Variants in OBSL1 observed in about 807,000 individuals in gnomAD.
The protein encoded by OBSL1 is obscurin like cytoskeletal adaptor 1.
A neutral mutation model predicts 172.0 loss-of-function variants in OBSL1; 160 were observed. The ratio of observed to expected loss-of-function variants is 0.93; its 90% CI spans 0.82 to 1.06. The LOEUF (loss-of-function observed/expected upper bound fraction) is 1.06, where lower values mean the gene tolerates loss of function less well. Among genes scored for constraint, OBSL1 ranks in the 50% least tolerant of loss-of-function variants. The pLI, the probability that OBSL1 is intolerant of heterozygous loss-of-function variation, is 0.00. For missense variants in OBSL1, 2,681 were observed against 2,715.4 expected (o/e 0.99, Z 0.28); for synonymous variants, 1,200 against 1,196.3 (o/e 1.00, Z -0.06).
rs1315549160 is a variant in OBSL1, at chr2:219,568,806, G to A, written c.1013-482C>T. On this transcript the variant is annotated intron_variant, in intron 1 of 20. Coordinates refer to ENST00000404537, the MANE Select transcript of OBSL1 (RefSeq NM_015311.3). The surrounding 1 kb of genome is among the most constrained non-coding windows in gnomAD (Gnocchi z 4.1). ...GTTGCCCAGGCTGGAGTGCAGTCGC[G>A]CAATCTCGGCTCACTGCAACCTCCA... 1.3e-5 allele frequency among the ~76,000 whole-genome samples: 2 copies of A among 151,528 alleles called. No homozygotes were observed. Among genetic ancestry groups the A allele is most frequent in the Non-Finnish European group, 2.9e-5 (2 of 67,892 alleles).
chr2:219,564,446 A>T (rs530303298), intron 6 of OBSL1, among the ~76,000 whole-genome samples: 36 of 152,322 alleles, frequency 2.4e-4, no homozygotes, highest in Non-Finnish European at 4.6e-4. Flanking sequence ...TGTGAACTGG[A>T]GATATATTGC....
At position 219,554,597 on chromosome 2, in the gene OBSL1, A is replaced by T; in HGVS notation, c.4753T>A (p.Cys1585Ser). The stretch of plus-strand genomic sequence containing the variant: ...CGGTGGCCGTCCGAGTGGATGTGAC[A>T]CTTGGGTCCTGGATACAGCTGTACT... Reference protein sequence around the residue: ...GGVQLYPGPKCHIHSDGHRHR... With the variant: ...GGVQLYPGPKSHIHSDGHRHR... The change falls in exon 15 of 21, where the codon TGT becomes AGT. Residue 1585 changes from cysteine (C) to serine (S), a missense_variant. Around this residue, in one of 5 missense-constraint regions of OBSL1, gnomAD observed 1,765 missense variants for 1,748.3 expected, o/e 1.01. Transcript: ENST00000404537. The T allele has an allele frequency of 6.2e-7, 1 of 1,613,230 alleles. No individual in the cohort carries two copies. Among genetic ancestry groups the T allele is most frequent in the African/African-American group, 1.3e-5 (1 of 75,024 alleles).
rs2106084142 is a variant in OBSL1, at chr2:219,565,344, G to A, written c.2305C>T (p.Arg769Cys). ...SELLVVKMDG[R>C]KHRLILPEAK... ...TCAGGCAGGATCAGACGGTGTTTGC[G>A]CCCATCCATCTTCACCACCAGCAAC... Residue 769 changes from arginine to cysteine, a missense_variant, in exon 6 of 21, where the codon CGC becomes TGC. Coordinates refer to ENST00000404537, the MANE Select transcript of OBSL1 (RefSeq NM_015311.3). 2.5e-6 allele frequency: 4 copies of A among 1,613,942 alleles called. No homozygotes were observed. Among genetic ancestry groups the A allele is most frequent in the East Asian group, 2.2e-5 (1 of 44,880 alleles).
chr2:219,556,021 C>G lies in OBSL1; in HGVS notation c.4608G>C (p.Arg1536Ser). 6.2e-7 allele frequency: 1 copy of G among 1,613,318 alleles called. No homozygotes were observed. Among genetic ancestry groups the G allele is most frequent in the Non-Finnish European group, 8.5e-7 (1 of 1,179,810 alleles). The change falls in exon 14 of 21, where the codon AGG becomes AGC. Residue 1536 changes from arginine to serine, a missense_variant and splice_region_variant. Physicochemically the swap from Arg to Ser is moderately radical, Grantham distance 110 (BLOSUM62 -1). This residue lies in a region of OBSL1 where 1,765 missense variants were observed against 1,748.3 expected (regional missense o/e 1.01). Coordinates refer to ENST00000404537, the MANE Select transcript of OBSL1 (RefSeq NM_015311.3). ...HDRTLARLSV[R>S]PRQLRVLRPL... ...ATTAAGAGAGGACGGGGCACTCACG[C>G]CTCACGCTGAGCCTGGCCAGGGTGC...
intron 19 of OBSL1, 63 bp downstream of exon 19, chr2:219,552,049 G>A (rs566776370): frequency 2.7e-6 from 4 of 1,470,812 alleles, no homozygotes; most frequent in South Asian, 2.4e-5. Context: ...CCCCAAGTCC[G>A]TCAGTCCCAT....
intron 8 of OBSL1, chr2:219,561,709 C>A (rs1696483016): frequency 1.6e-6 from 1 of 616,604 alleles, no homozygotes; most frequent in Non-Finnish European, 2.9e-6. Flanking sequence ...GTACTTATCA[C>A]CAGGTGTCAC....
chr2:219,554,669 G>T lies in OBSL1; in HGVS notation c.4681C>A (p.Leu1561Met). 1.2e-6 allele frequency: 2 copies of T among 1,600,604 alleles called. No individual in the cohort carries two copies. The highest frequency in any genetic ancestry group is 1.3e-5 in the African/African-American group (1 of 74,754). The stretch of plus-strand genomic sequence containing the variant: ...GTCACACCTTCCTGGGACAGCTCCA[G>T]CTGGAAGGTGGCACTGCCCCCCTCA... ...ISEGGSATFQLELSQEGVTGE... is the reference protein window; with the variant it reads ...ISEGGSATFQMELSQEGVTGE... Residue 1561 changes from leucine (L) to methionine (M), a missense_variant, in exon 15 of 21, where the codon CTG (leucine) becomes ATG (methionine). This residue lies in a region of OBSL1 where 1,765 missense variants were observed against 1,748.3 expected (regional missense o/e 1.01). Transcript: ENST00000404537.
intron 19 of OBSL1, 141 bp from the exon 20 acceptor site, chr2:219,551,939 A>G (rs1695641200): frequency 5.7e-6 from 5 of 880,554 alleles, no homozygotes; most frequent in South Asian, 3.3e-5. Context: ...CCTCAGACCC[A>G]AAGTCTCCTC....
intron 20 of OBSL1, chr2:219,551,219 G>A (rs113220628): frequency 1.7e-5 from 24 of 1,389,200 alleles, no homozygotes; most frequent in African/African-American, 1.3e-4. Context: ...GGGGAGGAAA[G>A]GAACTGGTAG....
chr2:219,571,233 C>G lies in OBSL1; in HGVS notation c.-1G>C. ...CCTGATCCCCCGAGCTCGCCTTCAT[C>G]GCGGCGGCCGACCGCCTGCAGCGGC... On this transcript the variant is annotated 5_prime_UTR_variant, in exon 1 of 21. Transcript: ENST00000404537. 8.0e-7 allele frequency: 1 copy of G among 1,255,566 alleles called. No individual in the cohort carries two copies. The highest frequency in any genetic ancestry group is 1.0e-6 in the Non-Finnish European group (1 of 988,314). 77.8% of individuals were successfully genotyped at this position (1,255,566 alleles called of 1,614,324 possible).
chr2:219,550,566 T>C, downstream of OBSL1: 1 of 519,200 alleles, frequency 1.9e-6, no homozygotes, highest in Non-Finnish European at 3.5e-6. Context: ...CTTTTATAAA[T>C]GTGCCAAACT....
chr2:219,549,513 C>T (rs568674250), downstream of OBSL1, among the ~76,000 whole-genome samples: 2 of 152,190 alleles, frequency 1.3e-5, no homozygotes, highest in East Asian at 1.9e-4. Flanking sequence ...AGGGGCTTGG[C>T]GGGTCCAGCT....
Position 219,567,455 on chromosome 2 carries a change from C to T in OBSL1, c.1655G>A (p.Arg552Gln), listed in dbSNP as rs774886081. The T allele has an allele frequency of 9.3e-6, 15 of 1,613,500 alleles. No homozygotes were observed. Among genetic ancestry groups the T allele is most frequent in the East Asian group, 4.5e-5 (2 of 44,880 alleles). ...EPAPETPFIY[R>Q]LERQEVGSED... is the part of the protein sequence containing the mutation. ...AGAGCCCACTTCCTGCCGCTCCAGC[C>T]GGTAGATGAATGGGGTCTCGGGAGC... is the stretch of plus-strand genomic sequence containing the variant. Residue 552 changes from arginine (R) to glutamine (Q), a missense_variant, in exon 4 of 21, where the codon CGG becomes CAG. Arg to Gln is a conservative substitution (Grantham distance 43). Around this residue, in one of 5 missense-constraint regions of OBSL1, gnomAD observed 706 missense variants for 695.8 expected, o/e 1.01. Transcript: ENST00000404537.
At chr2:219,551,345 A>G (rs1695597129) in intron 20 of OBSL1, 184 bp downstream of exon 20, 1 of 1,409,430 alleles carries the variant, frequency 7.1e-7, no homozygotes, top group African/African-American at 1.4e-5. Context: ...GATCTGAGCC[A>G]AGCAGTTCCA....
rs758886305 is a variant in OBSL1, at chr2:219,556,156, G to A, written c.4473C>T (p.Pro1491=). The part of the protein sequence containing the change: ...VRWVRGGQPL[P]HDSRLSMAQD... ...GGGCCATGGACAGGCGAGAGTCGTG[G>A]GGCAGGGGCTGCCCACCTCGCACCC... Residue 1491 remains proline, a synonymous_variant, in exon 14 of 21, where the codon CCC becomes CCT. Transcript: ENST00000404537. 1.2e-6 allele frequency: 2 copies of A among 1,613,572 alleles called. No homozygotes were observed. Among genetic ancestry groups the A allele is most frequent in the South Asian group, 1.1e-5 (1 of 91,068 alleles).
rs1039614532 is a variant in OBSL1 at position 219,556,521 on chromosome 2, C to T, written c.4269G>A (p.Leu1423=). ...GCAAAGTCACGGTCCCTGCATCCCC[C>T]AGTTGGCAGCCTCGCAAGGTTAAGA... ...SRILTLRGCQ[L]GDAGTVTLRA... The change falls in exon 13 of 21, where the codon CTG becomes CTA. Residue 1423 remains leucine (L), a synonymous_variant. Coordinates refer to ENST00000404537, the MANE Select transcript of OBSL1 (RefSeq NM_015311.3). 3.7e-6 allele frequency: 6 copies of T among 1,613,996 alleles called. No individual in the cohort carries two copies. Among genetic ancestry groups the T allele is most frequent in the Non-Finnish European group, 5.1e-6 (6 of 1,179,898 alleles).
At chr2:219,555,614 G>C in intron 14 of OBSL1, 1 of 1,018,992 alleles carries the variant, frequency 9.8e-7, no homozygotes, top group African/African-American at 1.7e-5. Context: ...GGCTCAAAGA[G>C]GTTAACTTGC....
chr2:219,551,762 TCG>T lies in OBSL1; in HGVS notation c.5448_5449del (p.Lys1818AspfsTer35). On this transcript the variant is annotated frameshift_variant, in exon 20 of 21. Coordinates refer to ENST00000404537, the MANE Select transcript of OBSL1 (RefSeq NM_015311.3). LOFTEE classifies it high-confidence loss of function. ...CCGGCGGCCCACCAGAACGGTCTTCTCGCGAGGGGGGTGGCGGCACATCTGGA... is the reference window on the plus strand; with the variant it reads ...CCGGCGGCCCACCAGAACGGTCTTCTCGAGGGGGGTGGCGGCACATCTGGA... 1 of 1,594,276 alleles carries T rather than the reference TCG, an allele frequency of 6.3e-7. No individual in the cohort carries two copies. The highest frequency in any genetic ancestry group is 8.6e-7 in the Non-Finnish European group (1 of 1,168,226).
Position 219,552,362 on chromosome 2 carries a change from C to T in OBSL1, c.5309-146G>A, listed in dbSNP as rs1351936666. The stretch of plus-strand genomic sequence containing the variant: ...CGGAACAGGGATGCGGAGCGGGAAG[C>T]CTAGAGGTCCGGGACTAGGGGCTGG... On this transcript the variant is annotated intron_variant, in intron 18 of 20. Coordinates refer to ENST00000404537, the MANE Select transcript of OBSL1 (RefSeq NM_015311.3). 1.7e-5 allele frequency: 15 copies of T among 898,474 alleles called. No individual in the cohort carries two copies. The South Asian group carries it at 2.5e-4, about 15-fold the overall frequency. 55.7% of individuals were successfully genotyped at this position (898,474 alleles called of 1,614,324 possible).
Sources: gnomAD v4.1 joint callset for allele counts (sites outside exome capture counted in the v4.1 genomes callset) on GRCh38, gnomAD v4.1.1 for gene constraint, gnomAD v4.1.1 regional missense constraint, Gnocchi (gnomAD v3.1) non-coding constraint, MANE v1.5 for transcripts, NCBI Gene and HGNC (gene_info 2026-07-23, HGNC 2026-07-21) for gene names.